Variants in MIPOL1 observed in about 807,000 individuals in gnomAD.
The protein encoded by MIPOL1 is mirror-image polydactyly gene 1 protein.
Under a neutral mutation model 60.9 loss-of-function variants are expected in MIPOL1, and 57 were observed. The ratio of observed to expected loss-of-function variants is 0.94; its 90% CI spans 0.76 to 1.17. The LOEUF (loss-of-function observed/expected upper bound fraction) is 1.17, where lower values mean the gene tolerates loss of function less well. Among genes scored for constraint, MIPOL1 ranks in the 50% most tolerant of loss-of-function variants. The pLI is 0.00. For synonymous variants in MIPOL1, 179 were observed against 168.8 expected (o/e 1.06, Z -0.47); for missense variants, 551 against 511.6 (o/e 1.08, Z -0.74).
At chr14:37,356,196 T>G (rs372641207) in intron 9 of MIPOL1, among the ~76,000 whole-genome samples, 3 of 152,046 alleles carry the variant, frequency 2.0e-5, no homozygotes, top group East Asian at 3.9e-4. Context: ...CCTGCTGGGG[T>G]GTGCCTCCCA....
At chr14:37,339,488 G>A (rs2090421029) in intron 9 of MIPOL1, among the ~76,000 whole-genome samples, 1 of 152,106 alleles carries the variant, frequency 6.6e-6, no homozygotes, top group Non-Finnish European at 1.5e-5. Flanking sequence ...TAGATATGCT[G>A]TAAGACATTT....
intron 12 of MIPOL1, among the ~76,000 whole-genome samples, chr14:37,535,341 T>C (rs1443061768): frequency 6.6e-6 from 1 of 152,282 alleles, no homozygotes; most frequent in African/African-American, 2.4e-5. Context: ...ATATCAAGTT[T>C]TTTCTGTGTT....
chr14:37,274,338 C>T (rs1483062529), intron 6 of MIPOL1, among the ~76,000 whole-genome samples: 5 of 151,260 alleles, frequency 3.3e-5, no homozygotes, highest in African/African-American at 1.2e-4. Flanking sequence ...CAGCTCTGTC[C>T]CCTATCATGT....
At chr14:37,263,762 A>G (rs555438353) in intron 3 of MIPOL1, among the ~76,000 whole-genome samples, 8 of 152,240 alleles carry the variant, frequency 5.3e-5, no homozygotes, top group Non-Finnish European at 8.8e-5. Flanking sequence ...AGAGTTAACA[A>G]TGACACTGAT....
chr14:37,527,818 A>G (rs2095456926), intron 12 of MIPOL1, among the ~76,000 whole-genome samples: 2 of 152,108 alleles, frequency 1.3e-5, no homozygotes, highest in Admixed American at 1.3e-4. Flanking sequence ...GGTATGAAGA[A>G]GTAAAACTAT....
chr14:37,268,497 A>G (rs1172528775), intron 4 of MIPOL1, among the ~76,000 whole-genome samples, 161 bp from the exon 5 acceptor site: 2 of 152,172 alleles, frequency 1.3e-5, no homozygotes, highest in Non-Finnish European at 2.9e-5. Context: ...ACCTGTGCTT[A>G]CAAATTTAAT....
chr14:37,369,239 T>G (rs577282028), intron 9 of MIPOL1, among the ~76,000 whole-genome samples: 1 of 152,240 alleles, frequency 6.6e-6, no homozygotes. Flanking sequence ...GTAAATAATT[T>G]TAAATATGGT....
chr14:37,252,172 G>A (rs1411647265), intron 3 of MIPOL1, among the ~76,000 whole-genome samples: 2 of 151,480 alleles, frequency 1.3e-5, no homozygotes, highest in African/African-American at 4.8e-5. Flanking sequence ...ATCATCATAT[G>A]TAATATATAT....
intron 11 of MIPOL1, among the ~76,000 whole-genome samples, chr14:37,441,250 C>T (rs2094239950): frequency 6.6e-6 from 1 of 151,992 alleles, no homozygotes; most frequent in African/African-American, 2.4e-5. Flanking sequence ...AATCAAGTCC[C>T]ATTTGTCTAT....
At chr14:37,389,250 A>G (rs2153518148) in intron 10 of MIPOL1, among the ~76,000 whole-genome samples, 1 of 152,188 alleles carries the variant, frequency 6.6e-6, no homozygotes, top group African/African-American at 2.4e-5. Flanking sequence ...CAAAAAACAG[A>G]TTTTTACTGT....
At chr14:37,510,108 CAT>C (rs1199888418) in intron 12 of MIPOL1, among the ~76,000 whole-genome samples, 1 of 151,766 alleles carries the variant, frequency 6.6e-6, no homozygotes, top group Non-Finnish European at 1.5e-5. Flanking sequence ...ATGAACCATA[CAT>C]ATGTCTATAT....
intron 1 of MIPOL1, among the ~76,000 whole-genome samples, chr14:37,236,861 G>A (rs1291481935): frequency 6.6e-6 from 1 of 152,118 alleles, no homozygotes; most frequent in Non-Finnish European, 1.5e-5. Flanking sequence ...TTCAGTCTTT[G>A]CAAATTGCTT....
chr14:37,470,660 C>T (rs1404577688), intron 11 of MIPOL1, among the ~76,000 whole-genome samples: 1 of 152,018 alleles, frequency 6.6e-6, no homozygotes, highest in Non-Finnish European at 1.5e-5. Context: ...TCAGGTAGTT[C>T]TTTATAGTAA....
At chr14:37,296,172 G>T (rs564045436) in intron 7 of MIPOL1, among the ~76,000 whole-genome samples, 1 of 152,078 alleles carries the variant, frequency 6.6e-6, no homozygotes, top group African/African-American at 2.4e-5. Context: ...GCTCAGCTAC[G>T]TGGAAACTGA....
chr14:37,254,211 A>G (rs775148217), intron 3 of MIPOL1, among the ~76,000 whole-genome samples: 10 of 151,880 alleles, frequency 6.6e-5, no homozygotes, highest in Non-Finnish European at 1.2e-4. Context: ...TTTAATATAA[A>G]TAAGTTTATT....
chr14:37,241,114 A>G (rs1280506251), intron 1 of MIPOL1, among the ~76,000 whole-genome samples: 1 of 152,244 alleles, frequency 6.6e-6, no homozygotes, highest in East Asian at 1.9e-4. Context: ...CTGATGGTAT[A>G]TTTCCAGTTT....
chr14:37,261,677 A>G (rs527909562), intron 3 of MIPOL1, among the ~76,000 whole-genome samples: 3 of 152,316 alleles, frequency 2.0e-5, no homozygotes, highest in East Asian at 1.9e-4. Context: ...CAGATTCTAA[A>G]GATAATAGTA....
At chr14:37,207,592 C>T (rs1966292925) in intron 1 of MIPOL1, among the ~76,000 whole-genome samples, 1 of 152,112 alleles carries the variant, frequency 6.6e-6, no homozygotes, top group Admixed American at 6.5e-5. Context: ...GTTGCTCAGG[C>T]TGGAGTGCAG....
At chr14:37,292,412 T>G (rs955737042) in intron 7 of MIPOL1, among the ~76,000 whole-genome samples, 1 of 151,624 alleles carries the variant, frequency 6.6e-6, no homozygotes, top group Non-Finnish European at 1.5e-5. Flanking sequence ...ATAGGCAATT[T>G]TGTCAAAAAC....
Sources: allele counts gnomAD v4.1 joint callset (sites outside exome capture counted in the v4.1 genomes callset), GRCh38; gene constraint gnomAD v4.1.1; transcripts MANE v1.5; gene names NCBI Gene and HGNC (gene_info 2026-07-23, HGNC 2026-07-21).